The following CDH13 variants were observed in gnomAD, a reference collection of about 807,000 sequenced individuals.
The protein encoded by CDH13 is cadherin-13.
Under a neutral mutation model 63.8 loss-of-function variants are expected in CDH13, and 24 were observed. The ratio of observed to expected loss-of-function variants is 0.38; its 90% CI spans 0.27 to 0.53. The LOEUF (loss-of-function observed/expected upper bound fraction) is 0.53. CDH13 is among the 20% of genes least tolerant of loss of function. CDH13 has a pLI of 0.85. For missense variants in CDH13, 1,049 were observed against 903.1 expected (o/e 1.16, Z -2.07); for synonymous variants, 503 against 355.3 (o/e 1.42, Z -4.67).
intron 7 of CDH13, among the ~76,000 whole-genome samples, chr16:83,524,677 C>T (rs915510917): frequency 1.3e-5 from 2 of 152,034 alleles, no homozygotes; most frequent in Non-Finnish European, 2.9e-5. Context: ...TGGTCTCGAT[C>T]TCCTGACCTG....
intron 2 of CDH13, among the ~76,000 whole-genome samples, chr16:82,884,915 A>G (rs1471497147): frequency 1.3e-5 from 2 of 152,250 alleles, no homozygotes; most frequent in South Asian, 2.1e-4. Flanking sequence ...CTAGCCAGCT[A>G]CAGCTCTAGT....
intron 1 of CDH13, among the ~76,000 whole-genome samples, chr16:82,680,818 C>G (rs1478258371): frequency 6.6e-6 from 1 of 152,150 alleles, no homozygotes; most frequent in East Asian, 1.9e-4. Context: ...GCCAATGGAA[C>G]CAGGAGATAG....
intron 3 of CDH13, among the ~76,000 whole-genome samples, chr16:83,056,323 A>T (rs1034480538): frequency 6.6e-6 from 1 of 152,216 alleles, no homozygotes; most frequent in Admixed American, 6.5e-5. Context: ...AAATGTATAC[A>T]CATGTACACT....
chr16:83,704,579 G>A (rs1460010882), intron 10 of CDH13, among the ~76,000 whole-genome samples: 1 of 152,164 alleles, frequency 6.6e-6, no homozygotes, highest in Non-Finnish European at 1.5e-5. Flanking sequence ...CGCTGCCACA[G>A]GCTCCAATGC....
intron 6 of CDH13, among the ~76,000 whole-genome samples, chr16:83,442,307 T>G (rs1460837724): frequency 6.6e-6 from 1 of 152,228 alleles, no homozygotes; most frequent in Non-Finnish European, 1.5e-5. Flanking sequence ...TGCAGGATTC[T>G]ATGTGAATCT....
chr16:83,758,450 G>C (rs539010234), intron 11 of CDH13, among the ~76,000 whole-genome samples: 2 of 151,632 alleles, frequency 1.3e-5, no homozygotes, highest in South Asian at 2.1e-4. Flanking sequence ...AACTTTTTTA[G>C]TCTAGTTTTA....
At chr16:83,118,952 A>T (rs966321060) in intron 3 of CDH13, among the ~76,000 whole-genome samples, 4 of 151,834 alleles carry the variant, frequency 2.6e-5, no homozygotes, top group Non-Finnish European at 4.4e-5. Context: ...GGTCAGCCCC[A>T]TTCCTTGTCT....
intron 3 of CDH13, among the ~76,000 whole-genome samples, chr16:83,102,756 G>C (rs114019400): frequency 0.011 from 1,609 of 152,206 alleles, 20 homozygotes; most frequent in African/African-American, 0.037. Context: ...TTGGAGCAAG[G>C]TGGTGGGAAT....
intron 5 of CDH13, among the ~76,000 whole-genome samples, chr16:83,259,488 C>A (rs1016120109): frequency 1.3e-5 from 2 of 151,976 alleles, no homozygotes; most frequent in East Asian, 1.9e-4. Context: ...TCTCGACGTT[C>A]GTTTTTAAGT....
chr16:82,927,504 C>G (rs1197342712), intron 2 of CDH13, among the ~76,000 whole-genome samples: 2 of 152,124 alleles, frequency 1.3e-5, no homozygotes, highest in East Asian at 3.9e-4. Flanking sequence ...TTAGAAGACC[C>G]AAAACAGATG....
In CDH13 at chr16:82,948,251, G is replaced by A. The variant is rs192652308; in HGVS notation, c.158-83759G>A. ...GCTTTCTAAATTTTTAAGCCACAAGGTTGACTCTAGGACCAAGACAATAAA... is the reference window on the plus strand; with the variant it reads ...GCTTTCTAAATTTTTAAGCCACAAGATTGACTCTAGGACCAAGACAATAAA... On this transcript the variant is annotated intron_variant, in intron 2 of 13. Transcript: ENST00000567109. Among the ~76,000 whole-genome samples the A allele has an allele frequency of 4.3e-3, 655 of 152,178 alleles. 12 individuals are homozygous for A. Among genetic ancestry groups the A allele is most frequent in the Non-Finnish European group, 2.9e-3 (200 of 68,000 alleles).
chr16:82,813,438 A>G (rs1312663289), intron 1 of CDH13, among the ~76,000 whole-genome samples: 1 of 152,134 alleles, frequency 6.6e-6, no homozygotes, highest in Non-Finnish European at 1.5e-5. Context: ...AACCTTATTG[A>G]CTGATGTAGA....
chr16:83,328,163 C>T (rs1029560803), intron 5 of CDH13, among the ~76,000 whole-genome samples: 3 of 151,536 alleles, frequency 2.0e-5, no homozygotes, highest in African/African-American at 4.8e-5. Context: ...ATTGAGACCT[C>T]TTTTGTGCAC....
intron 1 of CDH13, among the ~76,000 whole-genome samples, chr16:82,760,348 C>T (rs895707025): frequency 1.1e-4 from 17 of 152,170 alleles, no homozygotes; most frequent in Non-Finnish European, 1.5e-5. Context: ...AGGCATTGGG[C>T]TTAGGAAGTG....
chr16:83,661,211 A>T (rs1223516263), intron 8 of CDH13, among the ~76,000 whole-genome samples: 2 of 152,146 alleles, frequency 1.3e-5, no homozygotes, highest in African/African-American at 4.8e-5. Context: ...TTCTTGCTGG[A>T]CTCAGTGGCT....
intron 3 of CDH13, among the ~76,000 whole-genome samples, chr16:83,083,479 C>A (rs1418509436): frequency 6.6e-6 from 1 of 152,284 alleles, no homozygotes; most frequent in African/African-American, 2.4e-5. Flanking sequence ...CCATGTTATG[C>A]ATATGGAAAT....
intron 1 of CDH13, among the ~76,000 whole-genome samples, chr16:82,724,029 T>G (rs2032943677): frequency 6.6e-6 from 1 of 152,202 alleles, no homozygotes; most frequent in African/African-American, 2.4e-5. Context: ...AATGAACAAC[T>G]TCATTGGTAC....
At chr16:83,114,975 C>G (rs1466745087) in intron 3 of CDH13, among the ~76,000 whole-genome samples, 2 of 152,162 alleles carry the variant, frequency 1.3e-5, no homozygotes, top group African/African-American at 4.8e-5. Flanking sequence ...AATTTGCAGA[C>G]AATTAAGCTG....
chr16:82,891,016 G>A (rs142941143), intron 2 of CDH13, among the ~76,000 whole-genome samples: 286 of 150,016 alleles, frequency 1.9e-3, no homozygotes, highest in Middle Eastern at 7.0e-3. Flanking sequence ...AAAAGACTAG[G>A]ACATTAAGTC....
Sources: gnomAD v4.1 joint callset for allele counts (sites outside exome capture counted in the v4.1 genomes callset) on GRCh38, gnomAD v4.1.1 for gene constraint, MANE v1.5 for transcripts, NCBI Gene and HGNC (gene_info 2026-07-23, HGNC 2026-07-21) for gene names.